Variants in NUP35 observed in about 807,000 individuals in gnomAD.
NUP35 encodes the protein nucleoporin NUP35.
A neutral mutation model predicts 41.5 loss-of-function variants in NUP35; 25 were observed. The ratio of observed to expected loss-of-function variants is 0.60; its 90% CI spans 0.44 to 0.84. NUP35 has a LOEUF of 0.84. Ranked by LOEUF, NUP35 falls within the 40% of genes least tolerant of loss-of-function variation. The probability of loss-of-function intolerance (pLI) is 0.00; values close to 1 mark genes in which losing one functional copy is unlikely to be tolerated. For synonymous variants in NUP35, 149 were observed against 130.7 expected (o/e 1.14, Z -0.96); for missense variants, 396 against 396.6 (o/e 1.00, Z 0.01).
intron 3 of NUP35, chr2:183,130,992 T>C (rs748834084): frequency 8.9e-7 from 1 of 1,122,652 alleles, no homozygotes; most frequent in Middle Eastern, 2.7e-4. Flanking sequence ...CTTCTTTTTT[T>C]AGGGTCCCCA....
In NUP35 at chr2:183,126,985, G is replaced by GCTCAA. The variant is rs773419028; in HGVS notation, c.41-1302_41-1301insCTCAA. Among the ~76,000 whole-genome samples, 299 of 152,232 alleles carry GCTCAA rather than the reference G, an allele frequency of 2.0e-3. 2 individuals are homozygous for GCTCAA. Among genetic ancestry groups the GCTCAA allele is most frequent in the South Asian group, 3.7e-3 (18 of 4,822 alleles). On this transcript the variant is annotated intron_variant, in intron 1 of 8. Coordinates refer to ENST00000295119, the MANE Select transcript of NUP35 (RefSeq NM_138285.5). ...TATTTATTGAGCACCTGTGTATCAGGTACCAGGTCAAGCTATACTTGCTAT... is the reference window on the plus strand; with the variant it reads ...TATTTATTGAGCACCTGTGTATCAGGCTCAATACCAGGTCAAGCTATACTTGCTAT...
upstream of NUP35, among the ~76,000 whole-genome samples, chr2:183,122,495 T>A (rs902241621): frequency 6.6e-6 from 1 of 152,246 alleles, no homozygotes; most frequent in Non-Finnish European, 1.5e-5. Context: ...TATGCATGCA[T>A]GTTTTCAAAT....
At chr2:183,133,514 A>G in intron 3 of NUP35, 52 bp from the exon 4 acceptor site, 1 of 1,406,046 alleles carries the variant, frequency 7.1e-7, no homozygotes. Context: ...TTTAACACTT[A>G]CTGTATTTAT....
intron 5 of NUP35, among the ~76,000 whole-genome samples, chr2:183,157,128 A>G (rs757364862): frequency 4.6e-5 from 7 of 152,254 alleles, no homozygotes; most frequent in Non-Finnish European, 1.0e-4. Flanking sequence ...AATAAATTAT[A>G]TATAGAACTG....
chr2:183,144,499 C>G (rs1685209574), intron 4 of NUP35, among the ~76,000 whole-genome samples: 2 of 152,296 alleles, frequency 1.3e-5, no homozygotes, highest in Non-Finnish European at 2.9e-5. Context: ...ATTTACTAGT[C>G]TTTTAATCTC....
In NUP35 at chr2:183,130,573, A is replaced by C. The variant is rs202146423; in HGVS notation, c.339+28A>C. Reference sequence around the variant, plus strand: ...AATATAAATACCCTTTTGATCCCCAATGAACAACATCATGGTTTTATGTGT... The same window carrying C: ...AATATAAATACCCTTTTGATCCCCACTGAACAACATCATGGTTTTATGTGT... On this transcript the variant is annotated intron_variant, in intron 3 of 8. Transcript: ENST00000295119. 1.9e-6 allele frequency: 3 copies of C among 1,603,792 alleles called. No homozygotes were observed. In the African/African-American group the frequency reaches 4.0e-5, roughly 22 times the overall value.
intron 2 of NUP35, among the ~76,000 whole-genome samples, chr2:183,129,220 G>T (rs1024710352): frequency 3.3e-5 from 5 of 152,118 alleles, no homozygotes; most frequent in African/African-American, 7.2e-5. Context: ...GGAAACTTGG[G>T]GGGGAGGTTT....
intron 2 of NUP35, among the ~76,000 whole-genome samples, chr2:183,129,544 A>G (rs1001913373): frequency 5.3e-5 from 8 of 152,322 alleles, no homozygotes; most frequent in Middle Eastern, 3.4e-3. Flanking sequence ...ATTAAATTTC[A>G]AATGTGTTAT....
chr2:183,141,578 G>T (rs1359314103), intron 4 of NUP35, among the ~76,000 whole-genome samples: 1 of 152,096 alleles, frequency 6.6e-6, no homozygotes, highest in African/African-American at 2.4e-5. Flanking sequence ...ATACTGCTCA[G>T]TGCTGAACCA....
At position 183,130,471 on chromosome 2, in the gene NUP35, C is replaced by T; in HGVS notation, c.265C>T (p.Pro89Ser). 6.2e-7 allele frequency: 1 copy of T among 1,610,914 alleles called. No individual in the cohort carries two copies. Among genetic ancestry groups the T allele is most frequent in the Non-Finnish European group, 8.5e-7 (1 of 1,179,472 alleles). ...AGCTCATAAAGATAAAAGTGGCGCT[C>T]CACCAGTTAGAAGTATATATGATGA... is the stretch of plus-strand genomic sequence containing the variant. ...VPAHKDKSGA[P>S]PVRSIYDDIS... Residue 89 changes from proline (P) to serine (S), a missense_variant, in exon 3 of 9, where the codon CCA becomes TCA. Coordinates refer to ENST00000295119, the MANE Select transcript of NUP35 (RefSeq NM_138285.5).
upstream of NUP35, among the ~76,000 whole-genome samples, chr2:183,124,007 A>G (rs573356464): frequency 1.3e-5 from 2 of 152,202 alleles, no homozygotes; most frequent in Non-Finnish European, 2.9e-5. Context: ...TTTGAGGAAA[A>G]AGCGTCATGT....
intron 3 of NUP35, 139 bp from the exon 4 acceptor site, chr2:183,133,427 A>C: frequency 1.8e-6 from 1 of 568,080 alleles, no homozygotes; most frequent in Middle Eastern, 2.8e-4. Context: ...GGGAAAAAAG[A>C]GTGCCTTTGT....
At chr2:183,129,673 G>A (rs112945834) in intron 2 of NUP35, among the ~76,000 whole-genome samples, 2 of 152,244 alleles carry the variant, frequency 1.3e-5, no homozygotes, top group African/African-American at 4.8e-5. Flanking sequence ...AGAAAACTGA[G>A]GCTAAATGCA....
chr2:183,141,466 C>T (rs1478309860), intron 4 of NUP35, among the ~76,000 whole-genome samples: 4 of 152,122 alleles, frequency 2.6e-5, no homozygotes, highest in Admixed American at 1.3e-4. Flanking sequence ...TGCTATATTT[C>T]TCTTAAAGTA....
At chr2:183,149,752 G>T (rs940194859) in intron 4 of NUP35, among the ~76,000 whole-genome samples, 1 of 152,136 alleles carries the variant, frequency 6.6e-6, no homozygotes. Flanking sequence ...CGATTGCCTG[G>T]ATTGGAATTC....
intron 4 of NUP35, among the ~76,000 whole-genome samples, chr2:183,147,864 C>T (rs1244681377): frequency 1.3e-5 from 2 of 151,474 alleles, no homozygotes; most frequent in Non-Finnish European, 2.9e-5. Context: ...TTGTAGTTCT[C>T]CTTGTAGAGA....
At chr2:183,159,756 T>C in intron 8 of NUP35, 104 bp downstream of exon 8, 1 of 882,666 alleles carries the variant, frequency 1.1e-6, no homozygotes, top group Non-Finnish European at 1.7e-6. Context: ...ATGTTTCCTG[T>C]GGAGGCTATT....
chr2:183,160,035 T>G (rs998311262), intron 8 of NUP35: 5 of 163,110 alleles, frequency 3.1e-5, no homozygotes, highest in African/African-American at 1.2e-4. Flanking sequence ...TGGAGTAGCT[T>G]TGGTTATTTA....
intron 4 of NUP35, among the ~76,000 whole-genome samples, chr2:183,144,145 A>T (rs901328231): frequency 2.0e-5 from 3 of 152,238 alleles, no homozygotes; most frequent in African/African-American, 7.2e-5. Context: ...AGGAAGACAC[A>T]TAGGGTGACG....
Sources: gnomAD v4.1 joint callset for allele counts (sites outside exome capture counted in the v4.1 genomes callset) on GRCh38, gnomAD v4.1.1 for gene constraint, MANE v1.5 for transcripts, NCBI Gene and HGNC (gene_info 2026-07-23, HGNC 2026-07-21) for gene names.